The following CNBD1 variants were observed in gnomAD, a reference collection of about 807,000 sequenced individuals.
CNBD1 encodes the protein cyclic nucleotide binding domain containing 1, also known as cyclic nucleotide-binding domain-containing protein 1.
A neutral mutation model predicts 54.4 loss-of-function variants in CNBD1; 71 were observed. That is an observed-to-expected ratio of 1.30 (90% CI 1.08 to 1.59). The LOEUF (loss-of-function observed/expected upper bound fraction) is 1.59. Ranked by LOEUF, CNBD1 falls within the 40% of genes most tolerant of loss-of-function variation. The pLI is 0.00. For synonymous variants in CNBD1, 182 were observed against 170.7 expected (o/e 1.07, Z -0.51); for missense variants, 659 against 518.0 (o/e 1.27, Z -2.64).
At chr8:87,038,307 C>T (rs921943883) in intron 4 of CNBD1, among the ~76,000 whole-genome samples, 9 of 152,284 alleles carry the variant, frequency 5.9e-5, no homozygotes, top group Non-Finnish European at 4.4e-5. Flanking sequence ...AAAGCCAAGT[C>T]ACTGAGTTTA....
chr8:87,223,958 A>G (rs977794996), intron 5 of CNBD1, among the ~76,000 whole-genome samples: 4 of 152,072 alleles, frequency 2.6e-5, no homozygotes, highest in Non-Finnish European at 4.4e-5. Context: ...ATGGTATCTC[A>G]TTGTGGTTTT....
intron 2 of CNBD1, among the ~76,000 whole-genome samples, chr8:87,390,583 A>G (rs904467975): frequency 3.9e-5 from 6 of 152,022 alleles, no homozygotes; most frequent in African/African-American, 1.4e-4. Flanking sequence ...TTAAAAAGTC[A>G]GGAAACAAGA....
chr8:87,401,580 T>A (rs1807565892), intron 2 of CNBD1, among the ~76,000 whole-genome samples: 1 of 152,040 alleles, frequency 6.6e-6, no homozygotes, highest in African/African-American at 2.4e-5. Context: ...GTTGTTGACT[T>A]TTTTACCAAT....
chr8:87,149,084 G>A (rs979831682), intron 4 of CNBD1, among the ~76,000 whole-genome samples: 9 of 152,176 alleles, frequency 5.9e-5, no homozygotes, highest in Non-Finnish European at 1.3e-4. Context: ...CACACAACTT[G>A]AATACCTAGG....
At chr8:87,381,684 G>A (rs1275683927) in intron 10 of CNBD1, among the ~76,000 whole-genome samples, 1 of 151,866 alleles carries the variant, frequency 6.6e-6, no homozygotes, top group Non-Finnish European at 1.5e-5. Context: ...CCTTAAAAAG[G>A]AAATTCTGCA....
intron 2 of CNBD1, among the ~76,000 whole-genome samples, chr8:87,405,453 A>G (rs1365301506): frequency 6.6e-6 from 1 of 152,106 alleles, no homozygotes; most frequent in Non-Finnish European, 1.5e-5. Flanking sequence ...CTACTACGAG[A>G]TTATGTAATG....
chr8:86,976,209 G>A (rs1281478701), intron 4 of CNBD1, among the ~76,000 whole-genome samples: 1 of 30,746 alleles, frequency 3.3e-5, no homozygotes, highest in Admixed American at 3.4e-4. Context: ...TTTTTTTTTT[G>A]CTGTGGATAA....
chr8:86,868,611 C>A (rs528772295), intron 1 of CNBD1, among the ~76,000 whole-genome samples: 1 of 152,066 alleles, frequency 6.6e-6, no homozygotes, highest in Non-Finnish European at 1.5e-5. Flanking sequence ...GATTTACAGG[C>A]GTGAGCTACC....
intron 8 of CNBD1, among the ~76,000 whole-genome samples, chr8:87,347,813 G>A (rs546947036): frequency 1.3e-5 from 2 of 152,264 alleles, no homozygotes; most frequent in South Asian, 4.1e-4. Flanking sequence ...GGGAGCAATA[G>A]ATAGTAAGAG....
intron 4 of CNBD1, among the ~76,000 whole-genome samples, chr8:87,028,042 C>G (rs1179485373): frequency 6.6e-6 from 1 of 152,166 alleles, no homozygotes; most frequent in Admixed American, 6.5e-5. Flanking sequence ...GACACACACA[C>G]ACACACAACA....
Position 87,187,787 on chromosome 8 carries a change from ATCTC to A in CNBD1, c.432-18202_432-18199del, listed in dbSNP as rs544245212. On this transcript the variant is annotated intron_variant, in intron 4 of 10. Transcript: ENST00000518476. Reference sequence around the variant, plus strand: ...TGCTAATTACATAATTCATTATAATATCTCTCTAACTGATTTCAGCACATTGGTT... The same window carrying A: ...TGCTAATTACATAATTCATTATAATATCTAACTGATTTCAGCACATTGGTT... Among the ~76,000 whole-genome samples the A allele has an allele frequency of 1.6e-3, 243 of 152,288 alleles. 1 individual carries two copies. Among genetic ancestry groups the A allele is most frequent in the Admixed American group, 3.4e-3 (52 of 15,288 alleles).
intron 8 of CNBD1, among the ~76,000 whole-genome samples, chr8:87,287,579 T>A (rs151206424): frequency 6.6e-6 from 1 of 152,166 alleles, no homozygotes; most frequent in African/African-American, 2.4e-5. Context: ...ATGAATCTGA[T>A]TGGTAAATTC....
At chr8:86,878,080 CTGTGTG>C (rs145093111) in intron 1 of CNBD1, among the ~76,000 whole-genome samples, 2 of 135,874 alleles carry the variant, frequency 1.5e-5, no homozygotes, top group Non-Finnish European at 3.2e-5. Flanking sequence ...TTCATCAAAG[CTGTGTG>C]TGTGTGTGTG....
At chr8:87,018,631 T>C (rs1373310843) in intron 4 of CNBD1, among the ~76,000 whole-genome samples, 1 of 152,192 alleles carries the variant, frequency 6.6e-6, no homozygotes, top group Non-Finnish European at 1.5e-5. Flanking sequence ...TTATCTCTTT[T>C]TGTTTTACTT....
intron 10 of CNBD1, among the ~76,000 whole-genome samples, chr8:87,381,968 A>G (rs543035809): frequency 4.7e-4 from 71 of 152,098 alleles, no homozygotes; most frequent in African/African-American, 1.7e-3. Flanking sequence ...TGTACACTTA[A>G]AAATTTGTGT....
At chr8:87,053,885 G>A (rs988433180) in intron 4 of CNBD1, among the ~76,000 whole-genome samples, 1 of 152,210 alleles carries the variant, frequency 6.6e-6, no homozygotes. Context: ...CAATGGGTCC[G>A]ATTGGCTTCC....
intron 6 of CNBD1, among the ~76,000 whole-genome samples, chr8:87,265,025 T>A (rs1157860777): frequency 6.6e-6 from 1 of 152,182 alleles, no homozygotes; most frequent in Non-Finnish European, 1.5e-5. Flanking sequence ...TTTGTCAATT[T>A]TGGCTTTTGT....
chr8:87,074,140 G>C (rs550806815), intron 4 of CNBD1, among the ~76,000 whole-genome samples: 1 of 151,304 alleles, frequency 6.6e-6, no homozygotes, highest in Non-Finnish European at 1.5e-5. Context: ...CTGCTTTTTG[G>C]TAGAGCAGGT....
chr8:87,183,174 T>C (rs2130779069), intron 4 of CNBD1, among the ~76,000 whole-genome samples: 2 of 152,210 alleles, frequency 1.3e-5, no homozygotes, highest in South Asian at 4.1e-4. Context: ...CCCTACTGCT[T>C]ATTTTTGTTG....
Sources: allele counts gnomAD v4.1 joint callset (sites outside exome capture counted in the v4.1 genomes callset), GRCh38; gene constraint gnomAD v4.1.1; transcripts MANE v1.5; gene names NCBI Gene and HGNC (gene_info 2026-07-23, HGNC 2026-07-21).